Variants in TBC1D22A observed in about 807,000 individuals in gnomAD.
The protein encoded by TBC1D22A is putative GTPase activator.
Under a neutral mutation model 60.2 loss-of-function variants are expected in TBC1D22A, and 38 were observed. The ratio of observed to expected loss-of-function variants is 0.63; its 90% CI spans 0.49 to 0.83. TBC1D22A has a LOEUF of 0.83. Ranked by LOEUF, TBC1D22A falls within the 40% of genes least tolerant of loss-of-function variation. TBC1D22A has a pLI of 0.00. For missense variants in TBC1D22A, 628 were observed against 701.0 expected, an observed-to-expected ratio of 0.90 and a Z score of 1.18; for synonymous variants, 302 against 281.7, an observed-to-expected ratio of 1.07 and a Z score of -0.72.
In TBC1D22A at chr22:46,858,841, A is replaced by G. The variant is rs548322023; in HGVS notation, c.638-19812A>G. Among the ~76,000 whole-genome samples, 4 of 152,266 alleles carry G rather than the reference A, an allele frequency of 2.6e-5. No homozygotes were observed. In the South Asian group the frequency reaches 8.3e-4, roughly 31 times the overall value. ...ATGAATTGGGTGCGTTCACTGTGGC[A>G]AATTACTAAAAATAAAAGAATTCTA... On this transcript the variant is annotated intron_variant, in intron 4 of 12. Transcript: ENST00000337137.
chr22:46,995,466 G>A (rs558162475), intron 9 of TBC1D22A, among the ~76,000 whole-genome samples: 1 of 152,298 alleles, frequency 6.6e-6, no homozygotes, highest in South Asian at 2.1e-4. Context: ...TGCCATGCCT[G>A]CTCTTGTTAG....
chr22:47,169,399 A>G (rs1370897861), intron 12 of TBC1D22A, among the ~76,000 whole-genome samples: 3 of 151,926 alleles, frequency 2.0e-5, no homozygotes, highest in Non-Finnish European at 4.4e-5. Flanking sequence ...CCCAGGCCCC[A>G]CCTCCCAGAT....
At position 46,816,179 on chromosome 22, in the gene TBC1D22A, C is replaced by T. The variant is rs572447414; in HGVS notation, c.637+18559C>T. Among the ~76,000 whole-genome samples, 32 of 152,350 alleles carry T rather than the reference C, an allele frequency of 2.1e-4. No individual in the cohort carries two copies. In the East Asian group the frequency reaches 6.2e-3, roughly 29 times the overall value. On this transcript the variant is annotated intron_variant, in intron 4 of 12. Transcript: ENST00000337137. ...CCGCCTGCCTGCCTGCTCTTGGCGG[C>T]AGCTCCTCCTCTGCCTGCGGTGCTG... is the stretch of plus-strand genomic sequence containing the variant.
At chr22:47,023,347 G>A (rs1432295161) in intron 10 of TBC1D22A, among the ~76,000 whole-genome samples, 1 of 152,170 alleles carries the variant, frequency 6.6e-6, no homozygotes, top group Non-Finnish European at 1.5e-5. Context: ...AATGAACAGA[G>A]TCAGTGAACT....
chr22:46,920,779 CAT>C (rs2070708774), intron 8 of TBC1D22A, among the ~76,000 whole-genome samples: 1 of 67,586 alleles, frequency 1.5e-5, no homozygotes, highest in Non-Finnish European at 2.7e-5. Context: ...GTTATTTATT[CAT>C]TTTTTTTTTT....
intron 4 of TBC1D22A, among the ~76,000 whole-genome samples, chr22:46,801,533 T>C (rs2084896087): frequency 2.0e-5 from 3 of 152,262 alleles, no homozygotes; most frequent in African/African-American, 7.2e-5. Context: ...CAATATTTAC[T>C]CACACAAAGA....
intron 11 of TBC1D22A, among the ~76,000 whole-genome samples, chr22:47,093,888 CA>C (rs1277123866): frequency 6.6e-6 from 1 of 152,220 alleles, no homozygotes; most frequent in Non-Finnish European, 1.5e-5. Context: ...CACAGAAAGC[CA>C]ATCCCCAAGA....
chr22:46,926,743 C>G (rs1030114745), intron 8 of TBC1D22A, among the ~76,000 whole-genome samples: 1 of 152,154 alleles, frequency 6.6e-6, no homozygotes, highest in Non-Finnish European at 1.5e-5. Flanking sequence ...GACTGCCTCA[C>G]GGGAAATCCT....
rs199905287 is a variant in TBC1D22A at position 46,762,658 on chromosome 22, T to C, written c.-129T>C. The C allele has an allele frequency of 3.2e-5, 23 of 725,724 alleles. No homozygotes were observed. The African/African-American group carries it at 3.9e-4, about 12-fold the overall frequency. The allele number at this position is 725,724 out of a possible 1,614,324, so 45.0% of individuals were successfully genotyped here. ...AACTTCCGGAAGGAGGCGGAAGAGCTTCTCGGCTCTAGGCTCTGGAGTCCC... is the reference window on the plus strand; with the variant it reads ...AACTTCCGGAAGGAGGCGGAAGAGCCTCTCGGCTCTAGGCTCTGGAGTCCC... On this transcript the variant is annotated 5_prime_UTR_variant, in exon 1 of 13. Transcript: ENST00000337137.
intron 4 of TBC1D22A, among the ~76,000 whole-genome samples, chr22:46,835,948 GAAA>G (rs373592758): frequency 6.7e-6 from 1 of 148,386 alleles, no homozygotes; most frequent in Non-Finnish European, 1.5e-5. Flanking sequence ...GTAATGCAAG[GAAA>G]AAAAAAACCT....
intron 10 of TBC1D22A, among the ~76,000 whole-genome samples, chr22:47,025,067 T>G (rs947207342): frequency 1.3e-5 from 2 of 152,206 alleles, no homozygotes; most frequent in Non-Finnish European, 2.9e-5. Context: ...CAATTGGACA[T>G]AATTTTAAGT....
chr22:46,792,229 G>C (rs540885548), intron 1 of TBC1D22A, among the ~76,000 whole-genome samples: 113 of 152,324 alleles, frequency 7.4e-4, no homozygotes, highest in African/African-American at 2.6e-3. Flanking sequence ...TCACCGTGTA[G>C]ATGCCCGAGG....
chr22:47,155,759 A>G (rs2067689380), intron 12 of TBC1D22A, among the ~76,000 whole-genome samples: 1 of 151,408 alleles, frequency 6.6e-6, no homozygotes, highest in South Asian at 2.1e-4. Flanking sequence ...CCCCCACCCG[A>G]GTGCCCACCC....
At chr22:46,816,776 G>A (rs1237986209) in intron 4 of TBC1D22A, among the ~76,000 whole-genome samples, 1 of 152,108 alleles carries the variant, frequency 6.6e-6, no homozygotes, top group African/African-American at 2.4e-5. Context: ...CTACAGAGCT[G>A]CTTATTCACA....
intron 11 of TBC1D22A, among the ~76,000 whole-genome samples, chr22:47,090,762 A>G (rs1182478585): frequency 1.4e-5 from 2 of 148,086 alleles, no homozygotes; most frequent in Middle Eastern, 3.4e-3. Flanking sequence ...TTGTTGATAG[A>G]GACGGGCACG....
At chr22:46,962,609 C>G (rs2073567500) in intron 8 of TBC1D22A, among the ~76,000 whole-genome samples, 1 of 152,204 alleles carries the variant, frequency 6.6e-6, no homozygotes, top group Non-Finnish European at 1.5e-5. Flanking sequence ...GCCAGCGTCC[C>G]ACAGTAGGGG....
intron 9 of TBC1D22A, among the ~76,000 whole-genome samples, chr22:46,996,868 C>G (rs1460660037): frequency 6.6e-6 from 1 of 152,176 alleles, no homozygotes; most frequent in African/African-American, 2.4e-5. Flanking sequence ...GTCTTGAAAT[C>G]TCTTCCACAT....
intron 9 of TBC1D22A, among the ~76,000 whole-genome samples, chr22:46,988,321 C>T (rs1369690511): frequency 6.6e-6 from 1 of 152,204 alleles, no homozygotes; most frequent in Non-Finnish European, 1.5e-5. Context: ...GACCTCTTCC[C>T]ATGAATCACA....
At chr22:47,164,480 G>A (rs958596042) in intron 12 of TBC1D22A, among the ~76,000 whole-genome samples, 1 of 152,234 alleles carries the variant, frequency 6.6e-6, no homozygotes, top group South Asian at 2.1e-4. Flanking sequence ...GCCTGCCTGG[G>A]GCATGGGACG....
Sources: gnomAD v4.1 joint callset for allele counts (sites outside exome capture counted in the v4.1 genomes callset) on GRCh38, gnomAD v4.1.1 for gene constraint, MANE v1.5 for transcripts, NCBI Gene and HGNC (gene_info 2026-07-23, HGNC 2026-07-21) for gene names.